Variants in PPP1R16B observed in about 807,000 individuals in gnomAD.
PPP1R16B encodes the protein protein phosphatase 1 regulatory inhibitor subunit 16B.
PPP1R16B carries 14 observed loss-of-function variants against 61.7 expected under a neutral mutation model. That is an observed-to-expected ratio of 0.23 (90% CI 0.15 to 0.35). The LOEUF (loss-of-function observed/expected upper bound fraction) is 0.35, where lower values mean the gene tolerates loss of function less well. Ranked by LOEUF, PPP1R16B falls within the 10% of genes least tolerant of loss-of-function variation. The pLI, the probability that PPP1R16B is intolerant of heterozygous loss-of-function variation, is 1.00. For synonymous variants in PPP1R16B, 266 were observed against 305.3 expected (o/e 0.87, Z 1.34); for missense variants, 547 against 752.5 (o/e 0.73, Z 3.19).
At chr20:38,856,698 T>C (rs1193791682) in intron 2 of PPP1R16B, among the ~76,000 whole-genome samples, 2 of 152,194 alleles carry the variant, frequency 1.3e-5, no homozygotes, top group Admixed American at 1.3e-4. Context: ...ATGCATCAAC[T>C]CATTGCATCC....
intron 2 of PPP1R16B, among the ~76,000 whole-genome samples, chr20:38,837,847 C>T (rs2084882821): frequency 1.3e-5 from 2 of 152,142 alleles, no homozygotes; most frequent in African/African-American, 4.8e-5. Flanking sequence ...TGTGCCTGGC[C>T]TATGTTTCCA....
At chr20:38,855,359 A>G (rs1197050783) in intron 2 of PPP1R16B, among the ~76,000 whole-genome samples, 1 of 149,034 alleles carries the variant, frequency 6.7e-6, no homozygotes, top group Non-Finnish European at 1.5e-5. Context: ...CTTGTTATTA[A>G]AAAAAAAAAA....
rs753128677 is a variant in PPP1R16B, at chr20:38,895,567, C to T, written c.324C>T (p.Cys108=). The change falls in exon 4 of 11, where the codon TGC becomes TGT. Residue 108 remains cysteine, a splice_region_variant and synonymous_variant. Transcript: ENST00000299824. ...NEDGLTALHQ[C]CIDNFEEIVK... ...CTCTGCCTGTGTGTCTCTCCCAGTG[C>T]TGCATCGACAACTTTGAGGAAATTG... 3.1e-6 allele frequency: 5 copies of T among 1,613,594 alleles called. No individual in the cohort carries two copies. The African/African-American group carries it at 5.3e-5, about 17-fold the overall frequency.
rs576893871 is a variant in PPP1R16B, at chr20:38,862,113, C to A, written c.250+25938C>A. Among the ~76,000 whole-genome samples, 18 of 152,342 alleles carry A rather than the reference C, an allele frequency of 1.2e-4. No individual in the cohort carries two copies. The South Asian group carries it at 3.7e-3, about 32-fold the overall frequency. ...AGGGCCCCCCAGCCTTGTTGCCTCC[C>A]ATGCCTGGCTTCTTGCCCTCTCTCT... is the stretch of plus-strand genomic sequence containing the variant. On this transcript the variant is annotated intron_variant, in intron 2 of 10. Coordinates refer to ENST00000299824, the MANE Select transcript of PPP1R16B (RefSeq NM_015568.4).
chr20:38,875,107 A>G (rs199662989), intron 2 of PPP1R16B, among the ~76,000 whole-genome samples: 4 of 152,214 alleles, frequency 2.6e-5, no homozygotes, highest in East Asian at 3.9e-4. Flanking sequence ...ATTTTTGTCT[A>G]TTGCTGGGAG....
chr20:38,852,249 C>T (rs2084973914), intron 2 of PPP1R16B, among the ~76,000 whole-genome samples: 1 of 152,218 alleles, frequency 6.6e-6, no homozygotes, highest in Non-Finnish European at 1.5e-5. Context: ...AATCATTAAA[C>T]ATGATGATTA....
chr20:38,832,503 T>A lies in PPP1R16B; in HGVS notation c.-101-3322T>A, dbSNP rs185137097. Among the ~76,000 whole-genome samples, 7 of 152,334 alleles carry A rather than the reference T, an allele frequency of 4.6e-5. No individual in the cohort carries two copies. The East Asian group carries it at 1.3e-3, about 29-fold the overall frequency. ...AGCAACCAAAACATCTATATCTAAG[T>A]GGCTAAAATAGAAAGCAGTGACAAT... On this transcript the variant is annotated intron_variant, in intron 1 of 10. Coordinates refer to ENST00000299824, the MANE Select transcript of PPP1R16B (RefSeq NM_015568.4).
At chr20:38,855,357 TA>T (rs559549101) in intron 2 of PPP1R16B, among the ~76,000 whole-genome samples, 108 of 141,966 alleles carry the variant, frequency 7.6e-4, no homozygotes, top group African/African-American at 1.7e-3. Flanking sequence ...CCCTTGTTAT[TA>T]AAAAAAAAAA....
rs1167893091 is a variant in PPP1R16B, at chr20:38,899,213, GGA to G, written c.468-1366_468-1365del. ...TACGAAAGCTCAGAGAAGTCACAGT[GGA>G]GGGCTGTTAGGCCAAAGGACTGGAT... On this transcript the variant is annotated intron_variant, in intron 4 of 10. Coordinates refer to ENST00000299824, the MANE Select transcript of PPP1R16B (RefSeq NM_015568.4). Among the ~76,000 whole-genome samples, 23 of 152,336 alleles carry G rather than the reference GGA, an allele frequency of 1.5e-4. 1 individual carries two copies. In the East Asian group the frequency reaches 4.2e-3, roughly 28 times the overall value.
intron 2 of PPP1R16B, among the ~76,000 whole-genome samples, chr20:38,860,407 G>A (rs987024653): frequency 2.0e-5 from 3 of 152,146 alleles, no homozygotes; most frequent in African/African-American, 7.2e-5. Flanking sequence ...TGGCCTTTTT[G>A]TATGTTTTTG....
chr20:38,893,749 T>C (rs1430843014), intron 3 of PPP1R16B, among the ~76,000 whole-genome samples: 1 of 152,038 alleles, frequency 6.6e-6, no homozygotes, highest in Non-Finnish European at 1.5e-5. Flanking sequence ...CTCCCAGGTG[T>C]AGACTGGTCC....
rs1312674235 is a variant in PPP1R16B, at chr20:38,806,545, C to T, written c.-102+753C>T. Among the ~76,000 whole-genome samples, 1 of 152,130 alleles carries T rather than the reference C, an allele frequency of 6.6e-6. No individual in the cohort carries two copies. The highest frequency in any genetic ancestry group is 1.5e-5 in the Non-Finnish European group (1 of 67,996). On this transcript the variant is annotated intron_variant, in intron 1 of 10. Transcript: ENST00000299824. This position sits in a 1 kb window ranked among gnomAD's most constrained non-coding sequence, Gnocchi z 4.5. Reference sequence around the variant, plus strand: ...GGCCCAGAGGAGCGCCCCCGGGCGCCGAGGATGGGCGGAGACGTGCAGCCG... The same window carrying T: ...GGCCCAGAGGAGCGCCCCCGGGCGCTGAGGATGGGCGGAGACGTGCAGCCG...
intron 1 of PPP1R16B, among the ~76,000 whole-genome samples, chr20:38,825,794 C>T (rs953775980): frequency 6.6e-6 from 1 of 152,166 alleles, no homozygotes; most frequent in Non-Finnish European, 1.5e-5. Flanking sequence ...GTACCATGCC[C>T]AGCCAAGGAT....
intron 2 of PPP1R16B, among the ~76,000 whole-genome samples, chr20:38,882,751 A>G (rs1234280566): frequency 6.6e-6 from 1 of 152,210 alleles, no homozygotes; most frequent in Non-Finnish European, 1.5e-5. Flanking sequence ...GGGAAGCTCA[A>G]TGGAGATTAG....
intron 1 of PPP1R16B, among the ~76,000 whole-genome samples, chr20:38,822,866 T>C (rs182999840): frequency 4.6e-5 from 7 of 152,224 alleles, no homozygotes; most frequent in Admixed American, 3.9e-4. Context: ...CTCCAGACAT[T>C]TGAGTGTAGA....
At chr20:38,810,923 G>T (rs1487723256) in intron 1 of PPP1R16B, among the ~76,000 whole-genome samples, 1 of 152,154 alleles carries the variant, frequency 6.6e-6, no homozygotes, top group African/African-American at 2.4e-5. Flanking sequence ...GTAAATCTAA[G>T]GCTGACTGCA....
intron 2 of PPP1R16B, among the ~76,000 whole-genome samples, chr20:38,859,084 C>T (rs1274930875): frequency 6.6e-6 from 1 of 152,086 alleles, no homozygotes; most frequent in East Asian, 1.9e-4. Flanking sequence ...ACCAAGCCGA[C>T]CCCGACTTCA....
rs2085349614 is a variant in PPP1R16B at position 38,896,359 on chromosome 20, C to T, written c.467+649C>T. On this transcript the variant is annotated intron_variant, in intron 4 of 10. Transcript: ENST00000299824. ...TCTCTCTCTGTCACTCTTTCTCAGT[C>T]TCTCTTGGTGCTTGTCACTTTCTTT... Among the ~76,000 whole-genome samples the T allele has an allele frequency of 2.0e-5, 3 of 150,368 alleles. No homozygotes were observed. In the Admixed American group the frequency reaches 2.0e-4, roughly 10 times the overall value.
At chr20:38,871,400 A>G (rs1053647720) in intron 2 of PPP1R16B, among the ~76,000 whole-genome samples, 1 of 152,076 alleles carries the variant, frequency 6.6e-6, no homozygotes, top group African/African-American at 2.4e-5. Flanking sequence ...GCCAGTATGC[A>G]TTCTGAGGAT....
Sources: allele counts gnomAD v4.1 joint callset (sites outside exome capture counted in the v4.1 genomes callset), GRCh38; gene constraint gnomAD v4.1.1; non-coding constraint Gnocchi (gnomAD v3.1); transcripts MANE v1.5; gene names NCBI Gene and HGNC (gene_info 2026-07-23, HGNC 2026-07-21).